Variants in MAST4 observed in about 807,000 individuals in gnomAD.
MAST4 encodes microtubule-associated serine/threonine-protein kinase 4.
A neutral mutation model predicts 162.7 loss-of-function variants in MAST4; 89 were observed. The observed-to-expected ratio is 0.55, with a 90% CI of 0.46 to 0.65. The LOEUF is 0.65. Among genes scored for constraint, MAST4 ranks in the 30% least tolerant of loss-of-function variants. The pLI is 0.00. For synonymous variants in MAST4, 1,479 were observed against 1,361.1 expected (o/e 1.09, Z -1.91); for missense variants, 3,153 against 3,374.0 (o/e 0.93, Z 1.62).
intron 4 of MAST4, among the ~76,000 whole-genome samples, chr5:67,025,186 G>T (rs1754490856): frequency 6.6e-6 from 1 of 151,952 alleles, no homozygotes; most frequent in South Asian, 2.1e-4. Context: ...TATTATAAAG[G>T]AAACCAATTA....
At chr5:66,824,649 C>T (rs942392780) in intron 3 of MAST4, among the ~76,000 whole-genome samples, 2 of 152,150 alleles carry the variant, frequency 1.3e-5, no homozygotes, top group Admixed American at 6.5e-5. Flanking sequence ...TACAGTCATG[C>T]GTCACTTAAC....
intron 6 of MAST4, among the ~76,000 whole-genome samples, chr5:67,093,985 T>C (rs984448648): frequency 6.6e-6 from 1 of 152,210 alleles, no homozygotes; most frequent in African/African-American, 2.4e-5. Flanking sequence ...TTTGTAAGCA[T>C]GTTATTACAA....
At chr5:67,122,616 A>G (rs1425308658) in intron 14 of MAST4, among the ~76,000 whole-genome samples, 1 of 152,198 alleles carries the variant, frequency 6.6e-6, no homozygotes, top group Admixed American at 6.5e-5. Flanking sequence ...TAGGGAGAAG[A>G]TTAAACTTTG....
At chr5:66,986,594 A>G (rs866000532) in intron 4 of MAST4, 1 of 256,298 alleles carries the variant, frequency 3.9e-6, no homozygotes, top group Middle Eastern at 6.7e-4. Flanking sequence ...ATATATATGT[A>G]TGAATTTATA....
At chr5:66,619,369 G>A (rs369293635) in intron 1 of MAST4, among the ~76,000 whole-genome samples, 7 of 150,374 alleles carry the variant, frequency 4.7e-5, no homozygotes, top group African/African-American at 1.5e-4. Flanking sequence ...ATCAACCTTC[G>A]TTAGGAATAT....
chr5:66,823,647 T>C lies in MAST4; in HGVS notation c.642+34853T>C, dbSNP rs371214470. Among the ~76,000 whole-genome samples, 3 of 152,166 alleles carry C rather than the reference T, an allele frequency of 2.0e-5. No individual in the cohort carries two copies. In the East Asian group the frequency reaches 5.8e-4, roughly 30 times the overall value. On this transcript the variant is annotated intron_variant, in intron 3 of 28. Transcript: ENST00000403625. ...TGTGTGTGCTGCCACATCCCACTAATTTTTATATGTTTAGTAGAGATGGGG... is the reference window on the plus strand; with the variant it reads ...TGTGTGTGCTGCCACATCCCACTAACTTTTATATGTTTAGTAGAGATGGGG...
intron 1 of MAST4, among the ~76,000 whole-genome samples, chr5:66,677,422 ACTGT>A (rs1042967773): frequency 5.3e-5 from 8 of 152,048 alleles, no homozygotes; most frequent in African/African-American, 1.9e-4. Flanking sequence ...GTAATGAAAA[ACTGT>A]CTGAGGGTAA....
rs550573275 is a variant in MAST4, at chr5:66,917,017, C to T, written c.674+17035C>T. 55 of 718,070 alleles carry T rather than the reference C, an allele frequency of 7.7e-5. 2 individuals are homozygous for T. The highest frequency in any genetic ancestry group is 3.4e-4 in the South Asian group (23 of 67,570). The allele number at this position is 718,070 out of a possible 1,614,324, so 44.5% of individuals were successfully genotyped here. On this transcript the variant is annotated intron_variant, in intron 4 of 28. Coordinates refer to ENST00000403625, the MANE Select transcript of MAST4 (RefSeq NM_001164664.2). ...CCAGAAGTGGAATTGCTTGGTCAAA[C>T]GGTATGTGTATTTCTAATTTTAATA...
intron 1 of MAST4, among the ~76,000 whole-genome samples, chr5:66,629,588 T>C (rs989989816): frequency 2.0e-5 from 3 of 152,228 alleles, no homozygotes; most frequent in African/African-American, 7.2e-5. Flanking sequence ...ACCACATTTA[T>C]AGCAGCTGCT....
intron 2 of MAST4, among the ~76,000 whole-genome samples, chr5:66,762,947 T>C (rs1207734867): frequency 6.6e-6 from 1 of 152,238 alleles, no homozygotes; most frequent in Non-Finnish European, 1.5e-5. Flanking sequence ...TAATGATAGC[T>C]AATATTAAAA....
chr5:67,165,653 T>C lies in MAST4; in HGVS notation c.6474T>C (p.Ala2158=), dbSNP rs1222382299. 2 of 1,606,354 alleles carry C rather than the reference T, an allele frequency of 1.2e-6. No individual in the cohort carries two copies. The highest frequency in any genetic ancestry group is 2.2e-5 in the South Asian group (2 of 89,740). The change falls in exon 29 of 29, where the codon GCT becomes GCC. Residue 2158 remains alanine (A), a synonymous_variant. Coordinates refer to ENST00000403625, the MANE Select transcript of MAST4 (RefSeq NM_001164664.2). ...AGCATTGCAGTTCCCCAAGCCACGC[T>C]TCTGGCAGAGAGCCGGGGGCCAAGC... ...ARQHCSSPSH[A]SGREPGAKPS...
At chr5:67,142,919 A>T (rs1417155563) in intron 21 of MAST4, 16 of 168,278 alleles carry the variant, frequency 9.5e-5, no homozygotes, top group Admixed American at 9.4e-4. Flanking sequence ...ACTGCTACTT[A>T]TATGATGACC....
At chr5:66,773,758 C>T (rs926488149) in intron 2 of MAST4, among the ~76,000 whole-genome samples, 1 of 152,232 alleles carries the variant, frequency 6.6e-6, no homozygotes, top group Non-Finnish European at 1.5e-5. Flanking sequence ...ACCAGACTCA[C>T]ATGCCAGTAC....
At chr5:66,980,434 T>C (rs1240872818) in intron 4 of MAST4, among the ~76,000 whole-genome samples, 1 of 152,188 alleles carries the variant, frequency 6.6e-6, no homozygotes, top group Non-Finnish European at 1.5e-5. Context: ...CTAATTGAGG[T>C]CTGAATTTAG....
At chr5:66,696,758 T>A (rs934998950) in intron 1 of MAST4, among the ~76,000 whole-genome samples, 19 of 148,898 alleles carry the variant, frequency 1.3e-4, no homozygotes, top group African/African-American at 4.2e-4. Context: ...TTTTTTTTTT[T>A]ACTGCATTTA....
chr5:66,824,405 C>T (rs895445256), intron 3 of MAST4, among the ~76,000 whole-genome samples: 5 of 152,184 alleles, frequency 3.3e-5, no homozygotes, highest in Admixed American at 6.5e-5. Context: ...AGAGGACAAT[C>T]CTCTCCACTG....
In MAST4 at chr5:67,168,677, A is replaced by G. The variant is rs1774307749; in HGVS notation, c.*1626A>G. ...TTGGTTTTGTAAGAGAAAAAAAATT[A>G]CCAATAAATAACTGATCTAGCACCC... On this transcript the variant is annotated 3_prime_UTR_variant, in exon 29 of 29. Transcript: ENST00000403625. 6.6e-6 allele frequency: 1 copy of G among 152,194 alleles called. No homozygotes were observed. Among genetic ancestry groups the G allele is most frequent in the African/African-American group, 2.4e-5 (1 of 41,450 alleles). 9.4% of individuals were successfully genotyped at this position (152,194 alleles called of 1,614,324 possible). A position where few individuals can be genotyped will look rare whatever the true frequency, so the allele number is the denominator to read the frequency against.
chr5:66,751,981 G>A (rs1441998535), intron 1 of MAST4, among the ~76,000 whole-genome samples: 38 of 151,696 alleles, frequency 2.5e-4, no homozygotes, highest in African/African-American at 4.9e-4. Flanking sequence ...GAGAGTGGGG[G>A]CCAATATTCA....
chr5:66,898,718 A>G (rs920013468), intron 3 of MAST4, among the ~76,000 whole-genome samples: 5 of 152,218 alleles, frequency 3.3e-5, no homozygotes, highest in African/African-American at 9.7e-5. Context: ...AAAATTGCTG[A>G]TTGTTTTTCT....
Sources: allele counts gnomAD v4.1 joint callset (sites outside exome capture counted in the v4.1 genomes callset), GRCh38; gene constraint gnomAD v4.1.1; transcripts MANE v1.5; gene names NCBI Gene and HGNC (gene_info 2026-07-23, HGNC 2026-07-21).